Variants in PLSCR4 observed in about 807,000 individuals in gnomAD.
PLSCR4 encodes the protein phospholipid scramblase 4, also known as Ca(2+)-dependent phospholipid scramblase 4.
Under a neutral mutation model 36.3 loss-of-function variants are expected in PLSCR4, and 25 were observed. The ratio of observed to expected loss-of-function variants is 0.69; its 90% CI spans 0.50 to 0.96. The LOEUF (loss-of-function observed/expected upper bound fraction) is 0.96. Ranked by LOEUF, PLSCR4 falls within the 40% of genes least tolerant of loss-of-function variation. The pLI is 0.00. For missense variants in PLSCR4, 408 were observed against 414.7 expected (o/e 0.98, Z 0.14); for synonymous variants, 122 against 132.9 (o/e 0.92, Z 0.56).
At chr3:146,210,723 C>T (rs1576461424) in intron 3 of PLSCR4, among the ~76,000 whole-genome samples, 1 of 152,032 alleles carries the variant, frequency 6.6e-6, no homozygotes, top group East Asian at 1.9e-4. Flanking sequence ...AAAGAACACC[C>T]ATACCCATTA....
At chr3:146,246,687 G>A (rs1029196346) in intron 1 of PLSCR4, among the ~76,000 whole-genome samples, 5 of 151,922 alleles carry the variant, frequency 3.3e-5, no homozygotes, top group African/African-American at 9.7e-5. Context: ...TACCAAGAAC[G>A]CCTCATTGTG....
chr3:146,245,811 G>A (rs951048616), intron 1 of PLSCR4, among the ~76,000 whole-genome samples: 2 of 151,998 alleles, frequency 1.3e-5, no homozygotes, highest in Admixed American at 6.6e-5. Context: ...GTACTCTCTT[G>A]TAGTGAATCT....
At chr3:146,226,110 G>T (rs965226068) in intron 1 of PLSCR4, among the ~76,000 whole-genome samples, 10 of 152,168 alleles carry the variant, frequency 6.6e-5, no homozygotes, top group Non-Finnish European at 1.3e-4. Context: ...TTCAGAAAAG[G>T]GTTATGTGTA....
intron 2 of PLSCR4, 116 bp downstream of exon 2, chr3:146,221,943 GTATTTA>G (rs2035166166): frequency 2.1e-6 from 1 of 469,980 alleles, no homozygotes; most frequent in Non-Finnish European, 3.8e-6. Context: ...ACACACACAC[GTATTTA>G]TATTTGCCAA....
intron 1 of PLSCR4, among the ~76,000 whole-genome samples, chr3:146,242,981 A>G (rs75273902): frequency 0.017 from 2,559 of 152,274 alleles, 76 homozygotes; most frequent in African/African-American, 0.058. Flanking sequence ...TCCACCAGAG[A>G]AAGCCCCCAA....
At chr3:146,196,843 C>G (rs761605863) in intron 6 of PLSCR4, 50 bp from the exon 7 acceptor site, 1 of 1,515,510 alleles carries the variant, frequency 6.6e-7, no homozygotes, top group Non-Finnish European at 9.1e-7. Flanking sequence ...CATACACATA[C>G]ACTTACACAT....
At position 146,201,047 on chromosome 3, in the gene PLSCR4, CA is replaced by C; in HGVS notation, c.384del (p.Phe128LeufsTer6). The C allele has an allele frequency of 6.4e-7, 1 of 1,557,698 alleles. No homozygotes were observed. The highest frequency in any genetic ancestry group is 8.6e-7 in the Non-Finnish European group (1 of 1,159,062). On this transcript the variant is annotated frameshift_variant, in exon 5 of 9. Coordinates refer to ENST00000354952, the MANE Select transcript of PLSCR4 (RefSeq NM_020353.3). LOFTEE classifies it high-confidence loss of function. The stretch of plus-strand genomic sequence containing the variant: ...AAATTATACATACTTTCCAGAGGCT[CA>C]AAATGCTGAAGAACATGTATGTTGT... The part of the protein sequence containing the change: ...QLDNIHVLQH[F>X]EPLEMMTCFE...
intron 3 of PLSCR4, among the ~76,000 whole-genome samples, chr3:146,217,007 G>A (rs1214017360): frequency 1.3e-5 from 2 of 152,048 alleles, no homozygotes; most frequent in African/African-American, 4.8e-5. Context: ...ACAAGGCCAT[G>A]AGATAAATCA....
chr3:146,198,947 TA>T (rs2033891694), intron 6 of PLSCR4, among the ~76,000 whole-genome samples: 1 of 152,138 alleles, frequency 6.6e-6, no homozygotes, highest in South Asian at 2.1e-4. Flanking sequence ...TACTATTTGC[TA>T]GGAACTGTGC....
intron 1 of PLSCR4, among the ~76,000 whole-genome samples, chr3:146,228,154 A>G (rs2108312782): frequency 6.6e-6 from 1 of 152,314 alleles, no homozygotes; most frequent in Non-Finnish European, 1.5e-5. Context: ...GAAGACTAAA[A>G]CAATTACATT....
In PLSCR4 at chr3:146,206,545, C is replaced by A; in HGVS notation, c.335G>T (p.Gly112Val). ...GAGTACCTGAACTAAGTATTCCAGA[C>A]CAGGAGGGCAGTTTGCCATAGGAGT... Reference protein sequence around the residue: ...GPTPMANCPPGLEYLVQLDNI... With the variant: ...GPTPMANCPPVLEYLVQLDNI... Residue 112 changes from glycine to valine, a missense_variant, in exon 4 of 9, where the codon GGT becomes GTT. By Grantham distance (109) the Gly-to-Val change is moderately radical. Transcript: ENST00000354952. 2 of 1,611,018 alleles carry A rather than the reference C, an allele frequency of 1.2e-6. No homozygotes were observed. The highest frequency in any genetic ancestry group is 1.7e-6 in the Non-Finnish European group (2 of 1,177,426).
At chr3:146,225,921 G>A (rs570281078) in intron 1 of PLSCR4, among the ~76,000 whole-genome samples, 2 of 152,340 alleles carry the variant, frequency 1.3e-5, no homozygotes, top group African/African-American at 2.4e-5. Flanking sequence ...GCCGAAGTGG[G>A]AGCCCAGGCA....
chr3:146,223,182 A>C lies in PLSCR4; in HGVS notation c.-21-1090T>G, dbSNP rs547346070. Among the ~76,000 whole-genome samples, 5 of 152,318 alleles carry C rather than the reference A, an allele frequency of 3.3e-5. No homozygotes were observed. In the South Asian group the frequency reaches 6.2e-4, roughly 19 times the overall value. On this transcript the variant is annotated intron_variant, in intron 1 of 8. Coordinates refer to ENST00000354952, the MANE Select transcript of PLSCR4 (RefSeq NM_020353.3). Reference sequence around the variant, plus strand: ...CATTATGAGAATAACTCAAAGAAGAAGACTAGAAGTTGAGACGAGATTTGA... The same window carrying C: ...CATTATGAGAATAACTCAAAGAAGACGACTAGAAGTTGAGACGAGATTTGA...
intron 1 of PLSCR4, among the ~76,000 whole-genome samples, chr3:146,230,253 T>C (rs977785257): frequency 3.9e-5 from 6 of 152,108 alleles, no homozygotes; most frequent in African/African-American, 1.4e-4. Context: ...TACATACATA[T>C]TTCTGATTAC....
chr3:146,249,943 C>T (rs6792732), intron 1 of PLSCR4, among the ~76,000 whole-genome samples: 117,674 of 151,710 alleles, frequency 0.78, 46,715 homozygotes, highest in Non-Finnish European at 0.86. Flanking sequence ...TAAACATCAA[C>T]TGACTTCTAT....
chr3:146,203,204 CA>C (rs1237161176), intron 4 of PLSCR4, among the ~76,000 whole-genome samples: 1 of 151,988 alleles, frequency 6.6e-6, no homozygotes, highest in African/African-American at 2.4e-5. Context: ...TAACGAAATT[CA>C]TTTTTTTAAC....
chr3:146,226,508 T>A (rs1399464759), intron 1 of PLSCR4, among the ~76,000 whole-genome samples: 1 of 152,212 alleles, frequency 6.6e-6, no homozygotes, highest in African/African-American at 2.4e-5. Context: ...CTATCTATAG[T>A]GGCAAACTTT....
chr3:146,245,971 C>G (rs1473182394), intron 1 of PLSCR4, among the ~76,000 whole-genome samples: 3 of 151,958 alleles, frequency 2.0e-5, no homozygotes, highest in African/African-American at 7.2e-5. Flanking sequence ...CTATAGGGAA[C>G]TGGATAGTTC....
At chr3:146,211,974 T>C (rs949053196) in intron 3 of PLSCR4, among the ~76,000 whole-genome samples, 3 of 152,124 alleles carry the variant, frequency 2.0e-5, no homozygotes, top group African/African-American at 7.2e-5. Context: ...AAATTGGAAA[T>C]TGGGAATTGT....
Sources: gnomAD v4.1 joint callset for allele counts (sites outside exome capture counted in the v4.1 genomes callset) on GRCh38, gnomAD v4.1.1 for gene constraint, MANE v1.5 for transcripts, NCBI Gene and HGNC (gene_info 2026-07-23, HGNC 2026-07-21) for gene names.